The following RGS5 variants were observed in gnomAD, a reference collection of about 807,000 sequenced individuals.
RGS5 encodes the protein regulator of G protein signaling 5.
Under a neutral mutation model 18.9 loss-of-function variants are expected in RGS5, and 20 were observed. That is an observed-to-expected ratio of 1.06 (90% confidence interval 0.74 to 1.54). The LOEUF is 1.54. RGS5 is among the 40% of genes most tolerant of loss of function. RGS5 has a pLI of 0.00. For synonymous variants in RGS5, 57 were observed against 76.2 expected, an observed-to-expected ratio of 0.75 and a Z score of 1.31; for missense variants, 201 against 211.8, an observed-to-expected ratio of 0.95 and a Z score of 0.32.
chr1:163,204,960 A>T (rs2101665098), upstream of RGS5, among the ~76,000 whole-genome samples: 1 of 152,330 alleles, frequency 6.6e-6, no homozygotes, highest in African/African-American at 2.4e-5. Context: ...AAAGGAGTTC[A>T]TGTGATGGAC....
At chr1:163,225,989 C>T (rs924002882) in intron 2 of RGS5, among the ~76,000 whole-genome samples, 6 of 151,588 alleles carry the variant, frequency 4.0e-5, no homozygotes, top group African/African-American at 1.5e-4. Flanking sequence ...GGCGCAATCT[C>T]GGCTCACTGC....
chr1:163,164,985 T>C lies in RGS5; in HGVS notation c.156-3009A>G, dbSNP rs541716098. Among the ~76,000 whole-genome samples, 3 of 152,334 alleles carry C rather than the reference T, an allele frequency of 2.0e-5. No homozygotes were observed. The East Asian group carries it at 5.8e-4, about 29-fold the overall frequency. On this transcript the variant is annotated intron_variant, in intron 2 of 4. Coordinates refer to ENST00000313961, the MANE Select transcript of RGS5 (RefSeq NM_003617.4). ...ATGTGCCTAGTCCCCTCTCCCTTCC[T>C]GCCCAACAGTACAGTCTGCTCATGA...
At chr1:163,147,668 C>T (rs1423101699) in intron 4 of RGS5, among the ~76,000 whole-genome samples, 165 bp from the exon 5 acceptor site, 1 of 152,180 alleles carries the variant, frequency 6.6e-6, no homozygotes. Context: ...GATAAGGCAG[C>T]TGATGTTCCA....
At chr1:163,242,167 C>A (rs1302671489) in intron 2 of RGS5, among the ~76,000 whole-genome samples, 1 of 152,158 alleles carries the variant, frequency 6.6e-6, no homozygotes, top group Non-Finnish European at 1.5e-5. Flanking sequence ...ACGTAAACAT[C>A]TGAGTTAGTG....
At chr1:163,201,848 T>A (rs934225447) in intron 1 of RGS5, among the ~76,000 whole-genome samples, 35 of 152,268 alleles carry the variant, frequency 2.3e-4, no homozygotes, top group African/African-American at 8.4e-4. Context: ...TGTGCAAGGA[T>A]CTTCTTTATT....
chr1:163,296,332 G>T (rs1465872561), intron 2 of RGS5, among the ~76,000 whole-genome samples: 1 of 152,070 alleles, frequency 6.6e-6, no homozygotes, highest in South Asian at 2.1e-4. Flanking sequence ...AACTTTAACT[G>T]ACCCCGAATT....
chr1:163,181,876 G>A (rs1000696807), intron 1 of RGS5, among the ~76,000 whole-genome samples: 9 of 152,098 alleles, frequency 5.9e-5, no homozygotes, highest in African/African-American at 2.2e-4. Flanking sequence ...CTTACCAGCA[G>A]AGTGACATTG....
intron 1 of RGS5, among the ~76,000 whole-genome samples, chr1:163,208,859 C>T (rs1178994335): frequency 2.0e-5 from 3 of 151,982 alleles, no homozygotes; most frequent in African/African-American, 7.3e-5. Context: ...TGGCATGCCT[C>T]ATTCTTAGTA....
At chr1:163,297,530 C>G (rs909920364) in intron 2 of RGS5, among the ~76,000 whole-genome samples, 1 of 150,740 alleles carries the variant, frequency 6.6e-6, no homozygotes, top group African/African-American at 2.4e-5. Flanking sequence ...CTTTTCCTAG[C>G]CATCTCCTCT....
In RGS5 at chr1:163,161,970, C is replaced by G. The variant is rs758946562; in HGVS notation, c.162G>C (p.Ser54=). Residue 54 remains serine (S), a synonymous_variant, in exon 3 of 5, where the codon TCG becomes TCC. Coordinates refer to ENST00000313961, the MANE Select transcript of RGS5 (RefSeq NM_003617.4). The part of the protein sequence containing the change: ...PEKPAKTQKT[S]LDEALQWRDS... ...CACGCCACTGCAGGGCCTCGTCCAGCGAGGTTCTACATCAATAATAAGGAG... is the reference window on the plus strand; with the variant it reads ...CACGCCACTGCAGGGCCTCGTCCAGGGAGGTTCTACATCAATAATAAGGAG... 6 of 1,612,474 alleles carry G rather than the reference C, an allele frequency of 3.7e-6. No homozygotes were observed. The highest frequency in any genetic ancestry group is 5.1e-6 in the Non-Finnish European group (6 of 1,178,818).
At chr1:163,250,352 T>C (rs1648073088) in intron 2 of RGS5, among the ~76,000 whole-genome samples, 1 of 152,250 alleles carries the variant, frequency 6.6e-6, no homozygotes, top group Non-Finnish European at 1.5e-5. Context: ...GGCAGTTGCC[T>C]TTAACCATCA....
chr1:163,285,776 T>C (rs1436509489), intron 2 of RGS5, among the ~76,000 whole-genome samples: 1 of 147,504 alleles, frequency 6.8e-6, no homozygotes, highest in Non-Finnish European at 1.5e-5. Flanking sequence ...ACCTTCCCCT[T>C]CTCTCTCTCT....
intron 1 of RGS5, among the ~76,000 whole-genome samples, chr1:163,216,210 G>GT (rs1250606266): frequency 6.6e-6 from 1 of 152,114 alleles, no homozygotes; most frequent in Non-Finnish European, 1.5e-5. Context: ...TCCTTACCCC[G>GT]TCTCAGCCCC....
At chr1:163,152,328 T>TG in intron 4 of RGS5, 1 of 420,680 alleles carries the variant, frequency 2.4e-6, no homozygotes. Context: ...TGGAGGTTAG[T>TG]GGAGGTGAGA....
chr1:163,221,976 C>T (rs1647234295), upstream of RGS5, among the ~76,000 whole-genome samples: 1 of 152,094 alleles, frequency 6.6e-6, no homozygotes, highest in Non-Finnish European at 1.5e-5. Flanking sequence ...TTCACTTGGC[C>T]CTTCCTATAA....
At chr1:163,278,540 C>A (rs536257198) in intron 2 of RGS5, among the ~76,000 whole-genome samples, 8 of 152,138 alleles carry the variant, frequency 5.3e-5, no homozygotes, top group South Asian at 2.1e-4. Flanking sequence ...AGTATTAACT[C>A]ACTGGTAGAG....
intron 2 of RGS5, among the ~76,000 whole-genome samples, chr1:163,247,130 T>C (rs923520306): frequency 1.7e-5 from 1 of 59,600 alleles, no homozygotes; most frequent in African/African-American, 2.5e-4. Context: ...ACCTATTGGA[T>C]TGTACTCTCA....
upstream of RGS5, among the ~76,000 whole-genome samples, chr1:163,205,457 TC>T (rs1659932072): frequency 6.6e-6 from 1 of 150,562 alleles, no homozygotes; most frequent in Non-Finnish European, 1.5e-5. Context: ...TGAGAATCCC[TC>T]AGAAATGACA....
At chr1:163,171,631 A>T (rs1321565627) in intron 1 of RGS5, among the ~76,000 whole-genome samples, 2 of 152,172 alleles carry the variant, frequency 1.3e-5, no homozygotes, top group Admixed American at 1.3e-4. Context: ...AAGGCAGAAA[A>T]ATATTTGTGT....
Sources: gnomAD v4.1 joint callset for allele counts (sites outside exome capture counted in the v4.1 genomes callset) on GRCh38, gnomAD v4.1.1 for gene constraint, MANE v1.5 for transcripts, NCBI Gene and HGNC (gene_info 2026-07-23, HGNC 2026-07-21) for gene names.